The following HACD2 variants were observed in gnomAD, a reference collection of about 807,000 sequenced individuals.
The protein encoded by HACD2 is 3-hydroxyacyl-CoA dehydratase 2.
Under a neutral mutation model 31.0 loss-of-function variants are expected in HACD2, and 15 were observed. That is an observed-to-expected ratio of 0.48 (90% CI 0.32 to 0.75). HACD2 has a LOEUF of 0.75. Among genes scored for constraint, HACD2 ranks in the 30% least tolerant of loss-of-function variants. The probability of loss-of-function intolerance (pLI) is 0.03; values close to 1 mark genes in which losing one functional copy is unlikely to be tolerated. For synonymous variants in HACD2, 115 were observed against 122.2 expected, an observed-to-expected ratio of 0.94 and a Z score of 0.39; for missense variants, 283 against 313.0, an observed-to-expected ratio of 0.90 and a Z score of 0.72.
chr3:123,495,012 T>C, intron 6 of HACD2, 42 bp from the exon 7 acceptor site: 2 of 1,190,000 alleles, frequency 1.7e-6, no homozygotes, highest in Non-Finnish European at 2.4e-6. Context: ...TGGTTTAAAA[T>C]TGCATATGCT....
intron 4 of HACD2, among the ~76,000 whole-genome samples, chr3:123,520,345 A>C (rs562794354): frequency 2.0e-5 from 3 of 152,368 alleles, no homozygotes; most frequent in East Asian, 3.9e-4. Context: ...ATGAAAACCG[A>C]ATTGCCTAAA....
chr3:123,551,840 A>C (rs2056623882), intron 3 of HACD2, among the ~76,000 whole-genome samples: 1 of 152,208 alleles, frequency 6.6e-6, no homozygotes, highest in Non-Finnish European at 1.5e-5. Flanking sequence ...CAAATAGACA[A>C]CTGGTTAAAA....
chr3:123,513,854 C>T (rs1389523901), intron 4 of HACD2, among the ~76,000 whole-genome samples: 5 of 152,042 alleles, frequency 3.3e-5, no homozygotes, highest in African/African-American at 7.2e-5. Context: ...GCTGATTTCC[C>T]GATTTGGAGA....
chr3:123,520,682 T>C (rs888238564), intron 4 of HACD2, among the ~76,000 whole-genome samples: 18 of 152,334 alleles, frequency 1.2e-4, no homozygotes, highest in African/African-American at 3.8e-4. Flanking sequence ...GAATAAACAG[T>C]CTAAATAAGC....
At chr3:123,529,887 G>C (rs1228959336) in intron 3 of HACD2, among the ~76,000 whole-genome samples, 1 of 151,860 alleles carries the variant, frequency 6.6e-6, no homozygotes, top group African/African-American at 2.4e-5. Context: ...ACAATATGCA[G>C]TTGTGGATTT....
intron 4 of HACD2, among the ~76,000 whole-genome samples, chr3:123,510,793 T>C (rs1226609616): frequency 1.3e-5 from 2 of 152,200 alleles, no homozygotes; most frequent in Non-Finnish European, 2.9e-5. Flanking sequence ...AGTGGAGTTA[T>C]TGGACCATAT....
At chr3:123,499,167 T>G (rs1394588849) in intron 6 of HACD2, 1 of 155,532 alleles carries the variant, frequency 6.4e-6, no homozygotes, top group African/African-American at 2.4e-5. Context: ...AAATAAAGCC[T>G]GTGGTGCCCA....
intron 3 of HACD2, among the ~76,000 whole-genome samples, chr3:123,530,769 T>C (rs2107709412): frequency 6.6e-6 from 1 of 151,570 alleles, no homozygotes; most frequent in East Asian, 2.0e-4. Flanking sequence ...CCAGGCTGGT[T>C]TCGAACTCCT....
chr3:123,496,624 C>T (rs1321159251), intron 6 of HACD2, among the ~76,000 whole-genome samples: 3 of 152,034 alleles, frequency 2.0e-5, no homozygotes, highest in Non-Finnish European at 4.4e-5. Context: ...TATTTTGGCA[C>T]GAAAGCCAGA....
rs950041598 is a variant in HACD2, at chr3:123,584,921, G to A, written c.107C>T (p.Pro36Leu). The change falls in exon 1 of 7, where the codon CCC becomes CTC. Residue 36 changes from proline to leucine, a missense_variant. By Grantham distance (98) the Pro-to-Leu change is moderately conservative. This residue lies in a region of HACD2 where 158 missense variants were observed against 148.3 expected (regional missense o/e 1.07). Coordinates refer to ENST00000383657, the MANE Select transcript of HACD2 (RefSeq NM_198402.5). Reference protein sequence around the residue: ...SGTRKKKGPGPLATAYLVIYN... With the variant: ...SGTRKKKGPGLLATAYLVIYN... ...GATGACCAGGTACGCCGTGGCCAGG[G>A]GCCCCGGGCCCTTCTTCTTCCGCGT... 6.5e-7 allele frequency: 1 copy of A among 1,527,612 alleles called. No homozygotes were observed. Among genetic ancestry groups the A allele is most frequent in the Admixed American group, 2.0e-5 (1 of 49,266 alleles). 94.6% of individuals were successfully genotyped at this position (1,527,612 alleles called of 1,614,324 possible).
chr3:123,518,590 T>C (rs1451794857), intron 4 of HACD2, among the ~76,000 whole-genome samples: 1 of 152,246 alleles, frequency 6.6e-6, no homozygotes, highest in Non-Finnish European at 1.5e-5. Context: ...TACTTTTCTT[T>C]AAGGCAATGA....
chr3:123,511,255 A>T (rs1261605973), intron 4 of HACD2, among the ~76,000 whole-genome samples: 1 of 152,166 alleles, frequency 6.6e-6, no homozygotes, highest in Non-Finnish European at 1.5e-5. Context: ...TTTTACAGAC[A>T]AGTAAAGTGA....
At chr3:123,527,528 T>C (rs1478173275) in intron 4 of HACD2, among the ~76,000 whole-genome samples, 2 of 152,210 alleles carry the variant, frequency 1.3e-5, no homozygotes, top group Non-Finnish European at 2.9e-5. Flanking sequence ...AAGTAACCCT[T>C]ATTTTATTTA....
chr3:123,503,779 A>G (rs1008360233), intron 4 of HACD2, among the ~76,000 whole-genome samples: 3 of 151,956 alleles, frequency 2.0e-5, no homozygotes, highest in African/African-American at 7.3e-5. Context: ...AAACCGAACA[A>G]ATCTTGATGA....
chr3:123,494,446 A>G lies in HACD2; in HGVS notation c.*442T>C. On this transcript the variant is annotated 3_prime_UTR_variant, in exon 7 of 7. Transcript: ENST00000383657. ...ATACAAAGTTTCCAGCATGCAGTCA[A>G]GCACTTTGACAAGGGAATGCTAAAC... is the stretch of plus-strand genomic sequence containing the variant. 5.2e-6 allele frequency: 1 copy of G among 191,664 alleles called. No individual in the cohort carries two copies. The allele number at this position is 191,664 out of a possible 1,614,324, so 11.9% of individuals were successfully genotyped here. A position where few individuals can be genotyped will look rare whatever the true frequency, so the allele number is the denominator to read the frequency against.
At chr3:123,577,546 G>A (rs1453271573) in intron 2 of HACD2, among the ~76,000 whole-genome samples, 3 of 151,426 alleles carry the variant, frequency 2.0e-5, no homozygotes, top group South Asian at 2.1e-4. Flanking sequence ...GCGTGAACCC[G>A]GGAGGCGGAG....
chr3:123,550,134 C>T (rs1214871514), intron 3 of HACD2, among the ~76,000 whole-genome samples: 6 of 152,136 alleles, frequency 3.9e-5, no homozygotes, highest in Admixed American at 6.5e-5. Context: ...CATAGTGAGA[C>T]CCTGTTTCAA....
At position 123,584,919 on chromosome 3, in the gene HACD2, G is replaced by A. The variant is rs2057012004; in HGVS notation, c.109C>T (p.Leu37=). Residue 37 remains leucine (L), a synonymous_variant, in exon 1 of 7, where the codon CTG becomes TTG. Coordinates refer to ENST00000383657, the MANE Select transcript of HACD2 (RefSeq NM_198402.5). ...TAGATGACCAGGTACGCCGTGGCCA[G>A]GGGCCCCGGGCCCTTCTTCTTCCGC... is the stretch of plus-strand genomic sequence containing the variant. ...GTRKKKGPGP[L]ATAYLVIYNV... 6.5e-7 allele frequency: 1 copy of A among 1,527,800 alleles called. No individual in the cohort carries two copies. Among genetic ancestry groups the A allele is most frequent in the South Asian group, 1.2e-5 (1 of 82,390 alleles). The allele number at this position is 1,527,800 out of a possible 1,614,324, so 94.6% of individuals were successfully genotyped here.
chr3:123,503,066 C>T (rs548012583), intron 4 of HACD2, among the ~76,000 whole-genome samples: 1 of 152,046 alleles, frequency 6.6e-6, no homozygotes, highest in Non-Finnish European at 1.5e-5. Flanking sequence ...GAGTTTGAGA[C>T]CAGCCTGGCC....
Sources: allele counts gnomAD v4.1 joint callset (sites outside exome capture counted in the v4.1 genomes callset), GRCh38; gene constraint gnomAD v4.1.1; regional missense constraint gnomAD v4.1.1; transcripts MANE v1.5; gene names NCBI Gene and HGNC (gene_info 2026-07-23, HGNC 2026-07-21).